The following ZNF354B variants were observed in gnomAD, a reference collection of about 807,000 sequenced individuals.
ZNF354B encodes the protein zinc finger protein 354B.
In ZNF354B, 10 loss-of-function variants were observed where a neutral mutation model predicts 12.9. The ratio of observed to expected loss-of-function variants is 0.77; its 90% CI spans 0.48 to 1.31. The LOEUF (loss-of-function observed/expected upper bound fraction) is 1.31. Ranked by LOEUF, ZNF354B falls within the 40% of genes most tolerant of loss-of-function variation. ZNF354B has a pLI of 0.00. For synonymous variants in ZNF354B, 260 were observed against 243.7 expected, an observed-to-expected ratio of 1.07 and a Z score of -0.62; for missense variants, 614 against 711.7, an observed-to-expected ratio of 0.86 and a Z score of 1.56.
intron 4 of ZNF354B, among the ~76,000 whole-genome samples, chr5:178,869,922 C>T (rs1243695434): frequency 6.6e-6 from 1 of 152,280 alleles, no homozygotes; most frequent in East Asian, 1.9e-4. Context: ...GGACAGCTTC[C>T]TTTTCCCATG....
At chr5:178,881,852 C>A (rs1174798132) in intron 4 of ZNF354B, among the ~76,000 whole-genome samples, 1 of 152,116 alleles carries the variant, frequency 6.6e-6, no homozygotes, top group Non-Finnish European at 1.5e-5. Flanking sequence ...CTGTGTTGGC[C>A]AGGATGGTCT....
intron 4 of ZNF354B, among the ~76,000 whole-genome samples, chr5:178,867,982 A>T (rs11948175): frequency 1.7e-4 from 26 of 152,250 alleles, no homozygotes; most frequent in African/African-American, 5.1e-4. Context: ...AGCCTTGCAG[A>T]GCAATTGCAA....
rs183788215 is a variant in ZNF354B at position 178,862,557 on chromosome 5, A to G, written c.33+1477A>G. ...AATTTTTTTTTGTATTTTAGTAGAG[A>G]CGGGGTTTCACCATGTTGGCCAGGA... On this transcript the variant is annotated intron_variant, in intron 2 of 4. Transcript: ENST00000322434. Among the ~76,000 whole-genome samples, 335 of 151,740 alleles carry G rather than the reference A, an allele frequency of 2.2e-3. 1 individual carries two copies. Among genetic ancestry groups the G allele is most frequent in the African/African-American group, 7.7e-3 (319 of 41,384 alleles).
chr5:178,874,604 TATC>T (rs1177478512), intron 4 of ZNF354B, among the ~76,000 whole-genome samples: 1 of 152,222 alleles, frequency 6.6e-6, no homozygotes, highest in African/African-American at 2.4e-5. Context: ...GGTTCTTTCT[TATC>T]ATGGCCATTT....
chr5:178,866,595 C>T (rs577900510), intron 3 of ZNF354B, among the ~76,000 whole-genome samples: 7 of 152,272 alleles, frequency 4.6e-5, no homozygotes, highest in African/African-American at 1.7e-4. Context: ...CTTCCTGCTG[C>T]ACAATTTCAC....
chr5:178,882,676 A>G (rs1581817360), intron 4 of ZNF354B, 33 bp from the exon 5 acceptor site: 2 of 1,519,824 alleles, frequency 1.3e-6, no homozygotes, highest in East Asian at 2.3e-5. Flanking sequence ...CACATGAATC[A>G]TGGGCTGTTG....
At position 178,867,064 on chromosome 5, in the gene ZNF354B, C is replaced by T. The variant is rs1258015573; in HGVS notation, c.249C>T (p.Ser83=). The T allele has an allele frequency of 1.9e-6, 3 of 1,612,692 alleles. No homozygotes were observed. In the African/African-American group the frequency reaches 4.0e-5, roughly 22 times the overall value. Residue 83 remains serine, a synonymous_variant, in exon 4 of 5, where the codon TCC becomes TCT. Coordinates refer to ENST00000322434, the MANE Select transcript of ZNF354B (RefSeq NM_058230.3). ...TGGAGAAAGACAGTTCTGGTGTCTC[C>T]TCTCTAGGTAAGTGGGTGGCCCGAG... is the stretch of plus-strand genomic sequence containing the variant. The part of the protein sequence containing the change: ...WEVEKDSSGV[S]SLGCKSTPKM...
At chr5:178,879,126 T>G (rs1581815679) in intron 4 of ZNF354B, among the ~76,000 whole-genome samples, 1 of 149,502 alleles carries the variant, frequency 6.7e-6, no homozygotes, top group East Asian at 2.0e-4. Flanking sequence ...TCGGCTCACT[T>G]CAGCCTCTGC....
intron 4 of ZNF354B, among the ~76,000 whole-genome samples, chr5:178,872,639 C>G (rs995216366): frequency 5.9e-5 from 9 of 152,118 alleles, no homozygotes; most frequent in African/African-American, 1.9e-4. Context: ...TACATCCTTG[C>G]CAATATTTTG....
chr5:178,865,500 C>G (rs1009242847), intron 2 of ZNF354B, among the ~76,000 whole-genome samples: 2 of 152,118 alleles, frequency 1.3e-5, no homozygotes, highest in African/African-American at 4.8e-5. Flanking sequence ...ATCTCTTGAC[C>G]TTGTGATCCA....
At chr5:178,876,981 C>A (rs1169359556) in intron 4 of ZNF354B, among the ~76,000 whole-genome samples, 1 of 147,694 alleles carries the variant, frequency 6.8e-6, no homozygotes, top group Non-Finnish European at 1.5e-5. Flanking sequence ...TTTCCCACTT[C>A]TGTAAGATTT....
At chr5:178,880,297 T>C (rs1757699359) in intron 4 of ZNF354B, among the ~76,000 whole-genome samples, 1 of 151,696 alleles carries the variant, frequency 6.6e-6, no homozygotes, top group Non-Finnish European at 1.5e-5. Flanking sequence ...CCTCTTGGGT[T>C]CAAGTGATTC....
At chr5:178,861,545 A>C (rs2114003658) in intron 2 of ZNF354B, among the ~76,000 whole-genome samples, 1 of 152,300 alleles carries the variant, frequency 6.6e-6, no homozygotes, top group South Asian at 2.1e-4. Context: ...CTTTGCTTGT[A>C]TCACTGTCTT....
chr5:178,865,416 T>C (rs113538612), intron 2 of ZNF354B, among the ~76,000 whole-genome samples: 22,539 of 152,008 alleles, frequency 0.15, 2,050 homozygotes, highest in African/African-American at 0.25. Flanking sequence ...TACAGGTGCA[T>C]ACCACCATGC....
At chr5:178,861,951 C>CT (rs761846759) in intron 2 of ZNF354B, among the ~76,000 whole-genome samples, 4 of 152,164 alleles carry the variant, frequency 2.6e-5, no homozygotes, top group Non-Finnish European at 5.9e-5. Flanking sequence ...TGAGTAGTTA[C>CT]TGCTCAGCAT....
chr5:178,873,353 G>T (rs1363701808), intron 4 of ZNF354B, among the ~76,000 whole-genome samples: 1 of 152,152 alleles, frequency 6.6e-6, no homozygotes, highest in South Asian at 2.1e-4. Context: ...GGTGTCAAAT[G>T]TAAGAATTCT....
intron 2 of ZNF354B, among the ~76,000 whole-genome samples, chr5:178,862,360 A>ATTTT (rs1241340187): frequency 1.7e-5 from 2 of 116,250 alleles, no homozygotes; most frequent in African/African-American, 3.7e-5. Flanking sequence ...GCGTGGCATT[A>ATTTT]TCTTTTTTTT....
chr5:178,884,709 C>T lies in ZNF354B; in HGVS notation c.*418C>T, dbSNP rs1373591201. 1 of 155,244 alleles carries T rather than the reference C, an allele frequency of 6.4e-6. No individual in the cohort carries two copies. The highest frequency in any genetic ancestry group is 2.4e-5 in the African/African-American group (1 of 41,410). 9.6% of individuals were successfully genotyped at this position (155,244 alleles called of 1,614,324 possible). A position where few individuals can be genotyped will look rare whatever the true frequency, so the allele number is the denominator to read the frequency against. On this transcript the variant is annotated 3_prime_UTR_variant, in exon 5 of 5. Transcript: ENST00000322434. ...AAACAATTGATCTTAAAAATATATG[C>T]AATATATACTTACCTGGCAGGGAAG...
At chr5:178,881,665 A>G (rs1757719828) in intron 4 of ZNF354B, among the ~76,000 whole-genome samples, 1 of 152,036 alleles carries the variant, frequency 6.6e-6, no homozygotes, top group Admixed American at 6.6e-5. Flanking sequence ...CATTCTCTGG[A>G]CTGTTTTTTT....
Sources: allele counts gnomAD v4.1 joint callset (sites outside exome capture counted in the v4.1 genomes callset), GRCh38; gene constraint gnomAD v4.1.1; transcripts MANE v1.5; gene names NCBI Gene and HGNC (gene_info 2026-07-23, HGNC 2026-07-21).